The following GPC4 variants were observed in gnomAD, a reference collection of about 807,000 sequenced individuals.
The protein encoded by GPC4 is glypican-4.
A neutral mutation model predicts 35.0 loss-of-function variants in GPC4; 10 were observed. That is an observed-to-expected ratio of 0.29 (90% CI 0.18 to 0.48). GPC4 has a LOEUF of 0.48. GPC4 is among the 20% of genes least tolerant of loss of function. GPC4 has a pLI of 0.99. For missense variants in GPC4, 322 were observed against 451.3 expected (o/e 0.71, Z 2.60); for synonymous variants, 167 against 170.2 (o/e 0.98, Z 0.15).
At chrX:133,322,893 C>T (rs1263273777) in intron 3 of GPC4, among the ~76,000 whole-genome samples, 2 of 111,526 alleles carry the variant, frequency 1.8e-5, no homozygotes, top group East Asian at 5.7e-4. Flanking sequence ...TCACTTTGCC[C>T]CAGTATATTT....
At chrX:133,403,022 A>T (rs1472933429) in intron 1 of GPC4, among the ~76,000 whole-genome samples, 1 of 111,274 alleles carries the variant, frequency 9.0e-6, no homozygotes, top group East Asian at 2.8e-4. Context: ...GTCTACCGGG[A>T]TTAAAACAAA....
At chrX:133,305,987 T>A in intron 5 of GPC4, 37 bp downstream of exon 5, 1 of 1,208,322 alleles carries the variant, frequency 8.3e-7, no homozygotes, top group Non-Finnish European at 1.1e-6. Flanking sequence ...GCGGGGGAGG[T>A]CCCTAGCTCC....
chrX:133,374,055 G>A (rs1163723802), intron 1 of GPC4, among the ~76,000 whole-genome samples: 1 of 111,366 alleles, frequency 9.0e-6, no homozygotes, highest in Non-Finnish European at 1.9e-5. Flanking sequence ...ACAACTCCAT[G>A]AATATACTAA....
intron 7 of GPC4, among the ~76,000 whole-genome samples, chrX:133,304,022 G>A (rs1190863328): frequency 2.7e-5 from 3 of 109,220 alleles, no homozygotes; most frequent in East Asian, 2.9e-4. Context: ...GGCTGGGTGC[G>A]GTGGCTCACA....
chrX:133,370,784 A>T (rs2068609483), intron 1 of GPC4, among the ~76,000 whole-genome samples: 2 of 111,655 alleles, frequency 1.8e-5, no homozygotes, highest in Non-Finnish European at 3.8e-5. Flanking sequence ...TCAGAAAAAA[A>T]TCCATAGAAC....
At chrX:133,324,983 G>A (rs185049139) in intron 2 of GPC4, among the ~76,000 whole-genome samples, 3 of 111,589 alleles carry the variant, frequency 2.7e-5, no homozygotes, top group East Asian at 2.8e-4. Context: ...GAGCAGGACA[G>A]GTGTTTTCAA....
intron 2 of GPC4, among the ~76,000 whole-genome samples, chrX:133,326,977 C>A (rs142820645): frequency 1.8e-5 from 2 of 112,518 alleles, no homozygotes; most frequent in African/African-American, 3.2e-5. Context: ...ACGTGGATTG[C>A]GTTATTATAT....
At chrX:133,312,424 T>C (rs964773272) in intron 3 of GPC4, among the ~76,000 whole-genome samples, 12 of 109,410 alleles carry the variant, frequency 1.1e-4, no homozygotes, top group African/African-American at 3.7e-4. Context: ...AGGTCAGGAG[T>C]TCGAGACCAG....
At chrX:133,370,773 T>A (rs996676703) in intron 1 of GPC4, among the ~76,000 whole-genome samples, 1 of 111,342 alleles carries the variant, frequency 9.0e-6, no homozygotes, top group African/African-American at 3.3e-5. Flanking sequence ...TAGTTCTACA[T>A]TCAGAAAAAA....
intron 1 of GPC4, among the ~76,000 whole-genome samples, chrX:133,402,798 G>C (rs758238886): frequency 8.7e-4 from 96 of 109,966 alleles, no homozygotes; most frequent in Middle Eastern, 9.5e-3. Context: ...AGCTGCACAG[G>C]AGGCTGGGGC....
intron 1 of GPC4, among the ~76,000 whole-genome samples, chrX:133,389,537 G>T (rs1284570281): frequency 9.0e-6 from 1 of 111,684 alleles, no homozygotes; most frequent in East Asian, 2.8e-4. Context: ...CAGAATTAGG[G>T]AGGGCAAAAT....
At chrX:133,382,975 T>C (rs2068670195) in intron 1 of GPC4, among the ~76,000 whole-genome samples, 1 of 112,248 alleles carries the variant, frequency 8.9e-6, no homozygotes, top group Admixed American at 9.5e-5. Context: ...GGTACAGCCA[T>C]TTGAAGGCAG....
At chrX:133,408,293 CTT>C (rs1460442738) in intron 1 of GPC4, among the ~76,000 whole-genome samples, 1 of 112,240 alleles carries the variant, frequency 8.9e-6, no homozygotes, top group African/African-American at 3.2e-5. Flanking sequence ...AGACAATAAA[CTT>C]GAGTTTTTTT....
At chrX:133,414,364 A>C (rs2068827690) in intron 1 of GPC4, 74 of 214,095 alleles carry the variant, frequency 3.5e-4, no homozygotes, top group South Asian at 7.9e-4. Flanking sequence ...CCCACTGGCG[A>C]CCCCCACCCC....
intron 1 of GPC4, among the ~76,000 whole-genome samples, chrX:133,360,367 C>A (rs975639249): frequency 2.7e-5 from 3 of 111,272 alleles, no homozygotes; most frequent in Admixed American, 9.6e-5. Context: ...AATATTATTT[C>A]TTTTAATCAA....
At chrX:133,344,472 G>A (rs1179099792) in intron 1 of GPC4, among the ~76,000 whole-genome samples, 4 of 108,905 alleles carry the variant, frequency 3.7e-5, no homozygotes, top group Non-Finnish European at 7.6e-5. Context: ...TAATCTGCCC[G>A]CCTCAGCCTC....
chrX:133,325,060 T>C lies in GPC4; in HGVS notation c.320-524A>G, dbSNP rs866675821. On this transcript the variant is annotated intron_variant, in intron 2 of 8. Coordinates refer to ENST00000370828, the MANE Select transcript of GPC4 (RefSeq NM_001448.3). ...TCCTTTTCACTTATCTATATGATCATGCACTATAGCTGCCTGGAAAATGGT... is the reference window on the plus strand; with the variant it reads ...TCCTTTTCACTTATCTATATGATCACGCACTATAGCTGCCTGGAAAATGGT... 4.7e-4 allele frequency among the ~76,000 whole-genome samples: 52 copies of C among 111,284 alleles called. No individual in the cohort carries two copies. The Middle Eastern group carries it at 0.023, about 49-fold the overall frequency.
At chrX:133,361,235 C>CA (rs1187658596) in intron 1 of GPC4, among the ~76,000 whole-genome samples, 7 of 111,407 alleles carry the variant, frequency 6.3e-5, no homozygotes, top group African/African-American at 1.9e-4. Flanking sequence ...TGAAATATTC[C>CA]AAAAAAGAAC....
chrX:133,324,108 A>G (rs1456922822), intron 3 of GPC4, 37 bp downstream of exon 3: 1 of 1,143,648 alleles, frequency 8.7e-7, no homozygotes, highest in Admixed American at 3.0e-5. Flanking sequence ...AAAGAAAACA[A>G]AACAAAAACA....
Sources: gnomAD v4.1 joint callset for allele counts (sites outside exome capture counted in the v4.1 genomes callset) on GRCh38, gnomAD v4.1.1 for gene constraint, MANE v1.5 for transcripts, NCBI Gene and HGNC (gene_info 2026-07-23, HGNC 2026-07-21) for gene names.